The following ATP5MJ variants were observed in gnomAD, a reference collection of about 807,000 sequenced individuals.
The protein encoded by ATP5MJ is ATP synthase membrane subunit j, also known as ATP synthase F(0) complex subunit j, mitochondrial.
Under a neutral mutation model 8.3 loss-of-function variants are expected in ATP5MJ, and 4 were observed. The observed-to-expected ratio is 0.48, with a 90% CI of 0.24 to 1.11. ATP5MJ has a LOEUF of 1.11. ATP5MJ is among the 50% of genes least tolerant of loss of function. ATP5MJ has a pLI of 0.18. For synonymous variants in ATP5MJ, 23 were observed against 21.3 expected, an observed-to-expected ratio of 1.08 and a Z score of -0.23; for missense variants, 66 against 71.8, an observed-to-expected ratio of 0.92 and a Z score of 0.29.
At chr14:103,914,443 G>T in intron 2 of ATP5MJ, 2 of 577,104 alleles carry the variant, frequency 3.5e-6, no homozygotes, top group South Asian at 2.3e-5. Flanking sequence ...CTCTTAAAAC[G>T]AATGTAATAC....
chr14:103,916,242 A>G (rs1319242054), intron 1 of ATP5MJ, among the ~76,000 whole-genome samples: 1 of 152,238 alleles, frequency 6.6e-6, no homozygotes. Context: ...TTAAATTCCA[A>G]ACTTACAGTT....
rs559827586 is a variant in ATP5MJ, at chr14:103,914,945, T to C, written c.124+121A>G. 235 of 1,279,004 alleles carry C rather than the reference T, an allele frequency of 1.8e-4. 1 individual carries two copies. In the South Asian group the frequency reaches 3.0e-3, roughly 16 times the overall value. 79.2% of individuals were successfully genotyped at this position (1,279,004 alleles called of 1,614,324 possible). A position where few individuals can be genotyped will look rare whatever the true frequency, so the allele number is the denominator to read the frequency against. ...TCCCTGTATTTTTTACGAAGGACTGTAGGTAGCTCTAATGTTCATACCTAG... is the reference window on the plus strand; with the variant it reads ...TCCCTGTATTTTTTACGAAGGACTGCAGGTAGCTCTAATGTTCATACCTAG... On this transcript the variant is annotated intron_variant, in intron 2 of 3. Transcript: ENST00000286953.
rs187167788 is a variant in ATP5MJ, at chr14:103,918,663, A to C, written c.-1+2807T>G. ...GCGTGGGCCACCAGGCTCAACCCAG[A>C]GGTTTCTTTTTCTGTGAAACAGGGA... On this transcript the variant is annotated intron_variant, in intron 1 of 3. Transcript: ENST00000286953. 5.9e-5 allele frequency among the ~76,000 whole-genome samples: 9 copies of C among 152,098 alleles called. No homozygotes were observed. In the East Asian group the frequency reaches 1.8e-3, roughly 30 times the overall value.
At chr14:103,913,803 C>G (rs759846061) in intron 3 of ATP5MJ, 158 bp downstream of exon 3, 22 of 774,324 alleles carry the variant, frequency 2.8e-5, no homozygotes, top group Middle Eastern at 2.3e-4. Flanking sequence ...TCTTTCCCAG[C>G]AGGCATAGCA....
At chr14:103,915,238 C>T in intron 1 of ATP5MJ, 49 bp from the exon 2 acceptor site, 1 of 1,593,662 alleles carries the variant, frequency 6.3e-7, no homozygotes, top group Non-Finnish European at 8.6e-7. Flanking sequence ...TTGCTTTAAA[C>T]CTAACTGGTA....
chr14:103,918,235 G>C (rs531725283), intron 1 of ATP5MJ: 1 of 152,258 alleles, frequency 6.6e-6, no homozygotes, highest in Non-Finnish European at 1.5e-5. Flanking sequence ...TCTCAGCAAC[G>C]ACTGGGAAGG....
rs112397510 is a variant in ATP5MJ, at chr14:103,916,701, A to T, written c.1-1512T>A. Among the ~76,000 whole-genome samples the T allele has an allele frequency of 1.0e-2, 1,516 of 152,254 alleles. 36 individuals carry two copies. The highest frequency in any genetic ancestry group is 0.034 in the African/African-American group (1,427 of 41,544). Reference sequence around the variant, plus strand: ...GTTGAAGATGCAGTAAGCCATGATCACACCACTGCACTGCAGCCTGGGTGA... The same window carrying T: ...GTTGAAGATGCAGTAAGCCATGATCTCACCACTGCACTGCAGCCTGGGTGA... On this transcript the variant is annotated intron_variant, in intron 1 of 3. Coordinates refer to ENST00000286953, the MANE Select transcript of ATP5MJ (RefSeq NM_004894.3).
chr14:103,919,711 G>A (rs1014301531), intron 1 of ATP5MJ, among the ~76,000 whole-genome samples: 1 of 152,144 alleles, frequency 6.6e-6, no homozygotes, highest in Admixed American at 6.6e-5. Flanking sequence ...AGTCCCCAGT[G>A]CAACAGGGGC....
At chr14:103,921,233 G>A (rs1349394673) in intron 1 of ATP5MJ, 2 of 568,604 alleles carry the variant, frequency 3.5e-6, no homozygotes, top group East Asian at 6.0e-5. Context: ...GGAGAATTCA[G>A]GTGCACTGAG....
chr14:103,914,991 A>G (rs2087613718), intron 2 of ATP5MJ, 75 bp downstream of exon 2: 1 of 1,590,584 alleles, frequency 6.3e-7, no homozygotes, highest in Non-Finnish European at 8.6e-7. Flanking sequence ...TAGTTCCTTT[A>G]CAATGTGAAT....
At chr14:103,917,368 GGGAA>G (rs1357473883) in intron 1 of ATP5MJ, among the ~76,000 whole-genome samples, 2 of 148,386 alleles carry the variant, frequency 1.3e-5, no homozygotes, top group African/African-American at 4.9e-5. Flanking sequence ...GCTGGACTAT[GGGAA>G]GGAAGATGGG....
chr14:103,920,899 C>T (rs1179813210), intron 1 of ATP5MJ: 13 of 1,430,462 alleles, frequency 9.1e-6, no homozygotes, highest in African/African-American at 1.4e-5. Context: ...CCACTTAAGT[C>T]TGCAAAGTTT....
chr14:103,920,105 G>A lies in ATP5MJ; in HGVS notation c.-1+1365C>T, dbSNP rs1307641935. ...CTCCCAAAGGGCTGGGATTACAGGC[G>A]TGAACCACCGCGTCCGGCCCCTACT... On this transcript the variant is annotated intron_variant, in intron 1 of 3. Coordinates refer to ENST00000286953, the MANE Select transcript of ATP5MJ (RefSeq NM_004894.3). Among the ~76,000 whole-genome samples the A allele has an allele frequency of 3.3e-4, 50 of 149,746 alleles. 2 individuals are homozygous for A. Among genetic ancestry groups the A allele is most frequent in the African/African-American group, 4.9e-5 (2 of 40,604 alleles).
At chr14:103,915,896 T>C (rs1358315126) in intron 1 of ATP5MJ, among the ~76,000 whole-genome samples, 1 of 152,116 alleles carries the variant, frequency 6.6e-6, no homozygotes, top group Non-Finnish European at 1.5e-5. Flanking sequence ...ACAGAGCTCA[T>C]CCAGCACCTC....
In ATP5MJ at chr14:103,915,067, A is replaced by G. The variant is rs1264621495; in HGVS notation, c.123T>C (p.Ala41=). 3.1e-6 allele frequency: 5 copies of G among 1,613,906 alleles called. No individual in the cohort carries two copies. Among genetic ancestry groups the G allele is most frequent in the Non-Finnish European group, 4.2e-6 (5 of 1,179,992 alleles). ...MGFIVYKIRA[A]DKRSKALKAS... ...AAAATCAAACATAAGGAAACGTACC[A>G]GCAGCCCGGATTTTATAAACGATGA... Residue 41 remains alanine (A), a splice_region_variant and synonymous_variant, in exon 2 of 4, where the codon GCT becomes GCC. Coordinates refer to ENST00000286953, the MANE Select transcript of ATP5MJ (RefSeq NM_004894.3).
chr14:103,919,826 G>A (rs1164356989), intron 1 of ATP5MJ, among the ~76,000 whole-genome samples: 1 of 150,102 alleles, frequency 6.7e-6, no homozygotes, highest in Non-Finnish European at 1.5e-5. Context: ...AATAAAACGA[G>A]GGCCCCCCCT....
chr14:103,914,486 A>G (rs1390919885), intron 2 of ATP5MJ: 1 of 653,986 alleles, frequency 1.5e-6, no homozygotes, highest in East Asian at 2.7e-5. Flanking sequence ...CACAATTCTG[A>G]TATTAAAGTC....
intron 1 of ATP5MJ, chr14:103,918,195 A>T (rs1432493985): frequency 6.6e-6 from 1 of 152,248 alleles, no homozygotes; most frequent in African/African-American, 2.4e-5. Flanking sequence ...CCAGACTAGG[A>T]GTTCAGAGGC....
intron 2 of ATP5MJ, 166 bp downstream of exon 2, chr14:103,914,898 GTC>G: frequency 1.7e-6 from 1 of 572,084 alleles, no homozygotes; most frequent in Non-Finnish European, 2.8e-6. Flanking sequence ...GTCCCCAAAT[GTC>G]TTTTATAGCT....
Sources: gnomAD v4.1 joint callset for allele counts (sites outside exome capture counted in the v4.1 genomes callset) on GRCh38, gnomAD v4.1.1 for gene constraint, MANE v1.5 for transcripts, NCBI Gene and HGNC (gene_info 2026-07-23, HGNC 2026-07-21) for gene names.